The following EXD3 variants were observed in gnomAD, a reference collection of about 807,000 sequenced individuals.
EXD3 encodes the protein exonuclease mut-7 homolog.
EXD3 carries 92 observed loss-of-function variants against 98.0 expected under a neutral mutation model. That is an observed-to-expected ratio of 0.94 (90% CI 0.79 to 1.12). The LOEUF (loss-of-function observed/expected upper bound fraction) is 1.12, where lower values mean the gene tolerates loss of function less well. Ranked by LOEUF, EXD3 falls within the 50% of genes most tolerant of loss-of-function variation. The pLI is 0.00. For missense variants in EXD3, 1,222 were observed against 1,191.6 expected (o/e 1.03, Z -0.38); for synonymous variants, 569 against 526.0 (o/e 1.08, Z -1.12).
At chr9:137,316,447 C>G (rs1831667861) in intron 19 of EXD3, among the ~76,000 whole-genome samples, 1 of 152,040 alleles carries the variant, frequency 6.6e-6, no homozygotes, top group South Asian at 2.1e-4. Context: ...AGGGGGGTAG[C>G]CCGCGCGCCC....
chr9:137,406,998 G>A (rs1476081542), intron 1 of EXD3, among the ~76,000 whole-genome samples: 1 of 152,118 alleles, frequency 6.6e-6, no homozygotes, highest in Non-Finnish European at 1.5e-5. Context: ...CTGTGACCGG[G>A]AAGGCCCCGC....
chr9:137,324,158 C>G lies in EXD3; in HGVS notation c.1999-15G>C. 6.4e-7 allele frequency: 1 copy of G among 1,568,002 alleles called. No individual in the cohort carries two copies. Among genetic ancestry groups the G allele is most frequent in the Non-Finnish European group, 8.6e-7 (1 of 1,156,914 alleles). ...TGCCTGGCAACCTGTGTGGGAGGTG[C>G]GACCAGCACATAAAGGGGGCAGCTC... On this transcript the variant is annotated splice_polypyrimidine_tract_variant and intron_variant, in intron 17 of 21. Transcript: ENST00000340951. This position sits in a 1 kb window ranked among gnomAD's most constrained non-coding sequence, Gnocchi z 4.1.
chr9:137,358,047 G>A (rs191425338), intron 7 of EXD3, among the ~76,000 whole-genome samples: 13 of 152,112 alleles, frequency 8.5e-5, no homozygotes, highest in East Asian at 5.8e-4. Flanking sequence ...CCACTCAGTC[G>A]GAGGTGAATC....
intron 7 of EXD3, chr9:137,365,746 A>G (rs1411403799): frequency 6.2e-6 from 2 of 320,418 alleles, no homozygotes; most frequent in Admixed American, 8.7e-5. Flanking sequence ...ACAGGCACAC[A>G]CATACATGCA....
intron 3 of EXD3, among the ~76,000 whole-genome samples, chr9:137,375,419 C>T (rs1348972139): frequency 1.3e-5 from 2 of 152,158 alleles, no homozygotes; most frequent in African/African-American, 2.4e-5. Context: ...TGAGTTCCAG[C>T]TCTAGTGAGT....
intron 17 of EXD3, among the ~76,000 whole-genome samples, chr9:137,325,246 GACA>G (rs745407530): frequency 9.9e-5 from 15 of 152,204 alleles, no homozygotes; most frequent in East Asian, 1.9e-4. Context: ...TAGAAATGCA[GACA>G]ACGAGGCCGG....
rs1834992381 is a variant in EXD3 at position 137,361,489 on chromosome 9, TG to T, written c.656+5003del. On this transcript the variant is annotated intron_variant, in intron 7 of 21. Transcript: ENST00000340951. ...TAGGCCGGGCACTGTGGCTCATGCC[TG>T]TAATCCCAGCACTTTGGGAGGCCAA... 2.3e-5 allele frequency among the ~76,000 whole-genome samples: 2 copies of T among 86,146 alleles called. 1 individual carries two copies. The highest frequency in any genetic ancestry group is 6.4e-5 in the African/African-American group (2 of 31,122). The allele number at this position is 86,146 out of a possible 152,430, so 56.5% of individuals were successfully genotyped here.
chr9:137,370,941 T>C (rs149348522), intron 5 of EXD3, among the ~76,000 whole-genome samples: 12 of 152,264 alleles, frequency 7.9e-5, no homozygotes, highest in Non-Finnish European at 1.2e-4. Flanking sequence ...TCGCAGCACA[T>C]TGAGTCGTGA....
intron 7 of EXD3, among the ~76,000 whole-genome samples, chr9:137,356,853 G>A (rs937269692): frequency 6.6e-6 from 1 of 152,064 alleles, no homozygotes; most frequent in Admixed American, 6.6e-5. Context: ...CCACTCTCTA[G>A]CTCCTGCCCT....
intron 10 of EXD3, chr9:137,353,072 G>A: frequency 1.6e-6 from 2 of 1,266,452 alleles, no homozygotes; most frequent in South Asian, 3.6e-5. Context: ...GCCCACCTCA[G>A]TTCAGCCCCA....
In EXD3 at chr9:137,382,065, G is replaced by A. The variant is rs1247352513; in HGVS notation, c.120+1248C>T. 3.1e-4 allele frequency among the ~76,000 whole-genome samples: 45 copies of A among 144,496 alleles called. No individual in the cohort carries two copies. The East Asian group carries it at 9.5e-3, about 30-fold the overall frequency. The allele number at this position is 144,496 out of a possible 152,430, so 94.8% of individuals were successfully genotyped here. A position where few individuals can be genotyped will look rare whatever the true frequency, so the allele number is the denominator to read the frequency against. On this transcript the variant is annotated intron_variant, in intron 3 of 21. Transcript: ENST00000340951. ...GGAGGAGGTGAGGGCGCGCGGAGGAGGTGAGGGCGCGCGGTGGAGGTCAGG... is the reference window on the plus strand; with the variant it reads ...GGAGGAGGTGAGGGCGCGCGGAGGAAGTGAGGGCGCGCGGTGGAGGTCAGG...
At chr9:137,355,513 A>AG (rs878966360) in intron 8 of EXD3, among the ~76,000 whole-genome samples, 26 of 16,872 alleles carry the variant, frequency 1.5e-3, no homozygotes, top group South Asian at 9.7e-3. Flanking sequence ...GGAAGGAGGA[A>AG]GGAGGAAGGA....
At chr9:137,390,259 T>C (rs541325529) in intron 2 of EXD3, among the ~76,000 whole-genome samples, 93 of 146,394 alleles carry the variant, frequency 6.4e-4, no homozygotes, top group African/African-American at 2.3e-3. Flanking sequence ...TGAAACCCCA[T>C]CTCTACTAAA....
rs980396687 is a variant in EXD3 at position 137,371,770 on chromosome 9, G to C, written c.462+1135C>G. 6.6e-6 allele frequency among the ~76,000 whole-genome samples: 1 copy of C among 151,664 alleles called. No homozygotes were observed. The highest frequency in any genetic ancestry group is 2.4e-5 in the African/African-American group (1 of 41,302). On this transcript the variant is annotated intron_variant, in intron 5 of 21. Coordinates refer to ENST00000340951, the MANE Select transcript of EXD3 (RefSeq NM_017820.5). The surrounding 1 kb of genome is among the most constrained non-coding windows in gnomAD (Gnocchi z 8.0). Reference sequence around the variant, plus strand: ...AGCACCCCCAAGCAGGACATCCCCTGGCAGGACACCCCCGGGCTTCTTTGC... The same window carrying C: ...AGCACCCCCAAGCAGGACATCCCCTCGCAGGACACCCCCGGGCTTCTTTGC...
chr9:137,332,515 A>C (rs547324108), intron 17 of EXD3, among the ~76,000 whole-genome samples: 20 of 151,294 alleles, frequency 1.3e-4, no homozygotes, highest in African/African-American at 4.1e-4. Flanking sequence ...TCAACCTGGG[A>C]GGCGGAGGTT....
chr9:137,377,249 G>C (rs1835955586), intron 3 of EXD3: 1 of 152,196 alleles, frequency 6.6e-6, no homozygotes, highest in Non-Finnish European at 1.5e-5. Context: ...AGGAGTTCAA[G>C]ACAAGTCTGT....
intron 19 of EXD3, among the ~76,000 whole-genome samples, chr9:137,319,962 G>A (rs568111762): frequency 6.0e-4 from 92 of 152,338 alleles, no homozygotes; most frequent in African/African-American, 2.2e-3. Flanking sequence ...GCTCCGACCT[G>A]AGGCCGCATG....
At chr9:137,358,215 C>T (rs759341710) in intron 7 of EXD3, among the ~76,000 whole-genome samples, 25 of 152,230 alleles carry the variant, frequency 1.6e-4, no homozygotes, top group Non-Finnish European at 2.8e-4. Flanking sequence ...CTGCCCAACA[C>T]TGCCCTGCAG....
chr9:137,317,086 G>A (rs998937671), intron 19 of EXD3, among the ~76,000 whole-genome samples: 1 of 152,152 alleles, frequency 6.6e-6, no homozygotes, highest in African/African-American at 2.4e-5. Flanking sequence ...GGCGGGCCTG[G>A]AGGGGGTGGG....
Sources: gnomAD v4.1 joint callset for allele counts (sites outside exome capture counted in the v4.1 genomes callset) on GRCh38, gnomAD v4.1.1 for gene constraint, Gnocchi (gnomAD v3.1) non-coding constraint, MANE v1.5 for transcripts, NCBI Gene and HGNC (gene_info 2026-07-23, HGNC 2026-07-21) for gene names.